Variants in ZNF229 observed in about 807,000 individuals in gnomAD.
ZNF229 encodes the protein zinc finger protein 229.
A neutral mutation model predicts 11.8 loss-of-function variants in ZNF229; 10 were observed. The observed-to-expected ratio is 0.85, with a 90% confidence interval of 0.52 to 1.44. The LOEUF (loss-of-function observed/expected upper bound fraction) is 1.44, where lower values mean the gene tolerates loss of function less well. Ranked by LOEUF, ZNF229 falls within the 40% of genes most tolerant of loss-of-function variation. ZNF229 has a pLI of 0.00. For missense variants in ZNF229, 1,045 were observed against 1,015.1 expected, an observed-to-expected ratio of 1.03 and a Z score of -0.40; for synonymous variants, 368 against 374.8, an observed-to-expected ratio of 0.98 and a Z score of 0.21.
Position 44,428,525 on chromosome 19 carries a change from G to A in ZNF229, c.2256C>T (p.Ser752=), listed in dbSNP as rs894578956. Residue 752 remains serine, a synonymous_variant, in exon 6 of 6, where the codon AGC becomes AGT. Transcript: ENST00000614049. ...CHVCGKGYSQ[S]SHLQGHQRVH... ...CCCTCTGATGACCTTGAAGATGTGAGCTCTGACTATAGCCCTTCCCACACA... is the reference window on the plus strand; with the variant it reads ...CCCTCTGATGACCTTGAAGATGTGAACTCTGACTATAGCCCTTCCCACACA... The A allele has an allele frequency of 1.2e-6, 2 of 1,613,610 alleles. No homozygotes were observed. The highest frequency in any genetic ancestry group is 2.7e-5 in the African/African-American group (2 of 74,696).
In ZNF229 at chr19:44,427,050, C is replaced by G. The variant is rs184700964; in HGVS notation, c.*1253G>C. The G allele has an allele frequency of 6.6e-6, 1 of 151,960 alleles. No individual in the cohort carries two copies. The highest frequency in any genetic ancestry group is 6.6e-5 in the Admixed American group (1 of 15,256). 9.4% of individuals were successfully genotyped at this position (151,960 alleles called of 1,614,324 possible). A position where few individuals can be genotyped will look rare whatever the true frequency, so the allele number is the denominator to read the frequency against. ...TCACAAGGGGACAGGAGAGAGACAG[C>G]GAGGAAGGGCTACACCTTAAAACCA... On this transcript the variant is annotated 3_prime_UTR_variant, in exon 6 of 6. Coordinates refer to ENST00000614049, the MANE Select transcript of ZNF229 (RefSeq NM_014518.4).
rs1971625238 is a variant in ZNF229 at position 44,428,508 on chromosome 19, T to C, written c.2273A>G (p.His758Arg). 1 of 1,613,994 alleles carries C rather than the reference T, an allele frequency of 6.2e-7. No homozygotes were observed. The highest frequency in any genetic ancestry group is 8.5e-7 in the Non-Finnish European group (1 of 1,179,992). ...GYSQSSHLQG[H>R]QRVHTGEKPY... is the part of the protein sequence containing the mutation. ...TTTCTCACCAGTGTGGACCCTCTGA[T>C]GACCTTGAAGATGTGAGCTCTGACT... is the stretch of plus-strand genomic sequence containing the variant. Residue 758 changes from histidine (H) to arginine (R), a missense_variant, in exon 6 of 6, where the codon CAT becomes CGT. Coordinates refer to ENST00000614049, the MANE Select transcript of ZNF229 (RefSeq NM_014518.4).
Position 44,442,994 on chromosome 19 carries a change from A to T in ZNF229, c.-147T>A. 1.1e-6 allele frequency: 1 copy of T among 919,202 alleles called. No homozygotes were observed. Among genetic ancestry groups the T allele is most frequent in the Non-Finnish European group, 1.7e-6 (1 of 594,942 alleles). The allele number at this position is 919,202 out of a possible 1,614,324, so 56.9% of individuals were successfully genotyped here. ...GTTCCTGTCTCCACCTTTACTGTCC[A>T]GAGCGCGACTGCTTCCCATGGTCAG... On this transcript the variant is annotated 5_prime_UTR_variant, in exon 3 of 6. Transcript: ENST00000614049.
chr19:44,445,881 T>C (rs1356424173), intron 2 of ZNF229, among the ~76,000 whole-genome samples: 1 of 152,204 alleles, frequency 6.6e-6, no homozygotes, highest in African/African-American at 2.4e-5. Context: ...TGATGTCATC[T>C]TCACAGCAGA....
chr19:44,429,811 G>C lies in ZNF229; in HGVS notation c.970C>G (p.Leu324Val), dbSNP rs1336174721. The stretch of plus-strand genomic sequence containing the variant: ...TGTCTGACGCCCCGACCACGCTCAA[G>C]ACTCTTAACAGATTTCTCTCCTGTG... ...VPTGEKSVKSLERGRGVRQNT... is the reference protein window; with the variant it reads ...VPTGEKSVKSVERGRGVRQNT... The change falls in exon 6 of 6, where the codon CTT becomes GTT. Residue 324 changes from leucine (L) to valine (V), a missense_variant. Physicochemically the swap from Leu to Val is conservative, Grantham distance 32. Transcript: ENST00000614049. 1 of 1,613,992 alleles carries C rather than the reference G, an allele frequency of 6.2e-7. No individual in the cohort carries two copies. Among genetic ancestry groups the C allele is most frequent in the Non-Finnish European group, 8.5e-7 (1 of 1,179,988 alleles).
intron 4 of ZNF229, among the ~76,000 whole-genome samples, chr19:44,438,480 T>C (rs1296744050): frequency 6.6e-6 from 1 of 152,194 alleles, no homozygotes; most frequent in Non-Finnish European, 1.5e-5. Context: ...TACAACGAAG[T>C]GTGTGACGCT....
In ZNF229 at chr19:44,428,850, A is replaced by C. The variant is rs375987034; in HGVS notation, c.1931T>G (p.Leu644Arg). 3 of 1,611,634 alleles carry C rather than the reference A, an allele frequency of 1.9e-6. No individual in the cohort carries two copies. Among genetic ancestry groups the C allele is most frequent in the Non-Finnish European group, 2.5e-6 (3 of 1,179,540 alleles). The change falls in exon 6 of 6, where the codon CTC becomes CGC. Residue 644 changes from leucine to arginine, a missense_variant. Coordinates refer to ENST00000614049, the MANE Select transcript of ZNF229 (RefSeq NM_014518.4). ...GKGFSYSSGL[L>R]IHQRVHTGEK... ...GCCTGTGTGGACTCTCTGGTGAATG[A>C]GAAGCCCTGAGCTGTAACTGAAGCC...
intron 5 of ZNF229, chr19:44,431,782 T>C: frequency 1.0e-6 from 1 of 988,788 alleles, no homozygotes; most frequent in Non-Finnish European, 1.2e-6. Context: ...GATGCATTTC[T>C]TGGAGTTTCT....
chr19:44,431,307 C>G (rs1218096085), intron 5 of ZNF229, among the ~76,000 whole-genome samples: 1 of 152,134 alleles, frequency 6.6e-6, no homozygotes, highest in Admixed American at 6.5e-5. Flanking sequence ...GTCATATTTA[C>G]CACAGTTCTG....
intron 4 of ZNF229, among the ~76,000 whole-genome samples, chr19:44,438,046 A>G (rs1440282733): frequency 6.6e-6 from 1 of 152,196 alleles, no homozygotes; most frequent in African/African-American, 2.4e-5. Context: ...TGACAAAATA[A>G]TCTGTACAAC....
At chr19:44,432,860 T>G (rs993146152) in intron 4 of ZNF229, among the ~76,000 whole-genome samples, 1 of 151,768 alleles carries the variant, frequency 6.6e-6, no homozygotes, top group Non-Finnish European at 1.5e-5. Context: ...ATTAAATAAA[T>G]AAATAAAAAT....
In ZNF229 at chr19:44,442,617, A is replaced by G. The variant is rs768933891; in HGVS notation, c.39T>C (p.Leu13=). 2.5e-6 allele frequency: 4 copies of G among 1,613,952 alleles called. No individual in the cohort carries two copies. The highest frequency in any genetic ancestry group is 3.4e-6 in the Non-Finnish European group (4 of 1,179,996). ...GGGAAATGGCTGAGGCTTGAGAATG[A>G]AGAGCTGTAGGAGGAGAAAGAGGCC... ...TLTSRHEKRA[L]HSQASAISQD... is the part of the protein sequence containing the mutation. The change falls in exon 4 of 6, where the codon CTT becomes CTC. Residue 13 remains leucine, a synonymous_variant. Coordinates refer to ENST00000614049, the MANE Select transcript of ZNF229 (RefSeq NM_014518.4).
At chr19:44,432,437 T>C (rs1281056551) in intron 4 of ZNF229, 71 bp from the exon 5 acceptor site, 7 of 1,572,532 alleles carry the variant, frequency 4.5e-6, no homozygotes, top group South Asian at 1.2e-5. Context: ...AGCAGGTTTA[T>C]AGAAATAAAA....
intron 5 of ZNF229, 35 bp from the exon 6 acceptor site, chr19:44,430,577 A>G: frequency 6.4e-7 from 1 of 1,566,480 alleles, no homozygotes; most frequent in African/African-American, 1.4e-5. Flanking sequence ...GATGAGAACT[A>G]GTAAAAGACT....
chr19:44,447,440 A>T (rs999514511), intron 2 of ZNF229, 73 bp downstream of exon 2: 6 of 152,210 alleles, frequency 3.9e-5, no homozygotes, highest in Non-Finnish European at 8.8e-5. Context: ...AACATTTGTG[A>T]TATCAATGGG....
chr19:44,433,840 C>CA (rs1971766845), intron 4 of ZNF229, among the ~76,000 whole-genome samples: 1 of 152,134 alleles, frequency 6.6e-6, no homozygotes, highest in South Asian at 2.1e-4. Context: ...AATCTTGACT[C>CA]ACTGCAACCT....
intron 4 of ZNF229, among the ~76,000 whole-genome samples, chr19:44,440,138 G>C (rs1971882823): frequency 6.6e-6 from 1 of 151,868 alleles, no homozygotes; most frequent in South Asian, 2.1e-4. Context: ...GAATTAATCA[G>C]AAATTTTTTA....
rs1276550939 is a variant in ZNF229, at chr19:44,430,206, A to T, written c.575T>A (p.Phe192Tyr). The T allele has an allele frequency of 6.2e-7, 1 of 1,614,084 alleles. No homozygotes were observed. The highest frequency in any genetic ancestry group is 1.1e-5 in the South Asian group (1 of 91,074). Residue 192 changes from phenylalanine to tyrosine, a missense_variant, in exon 6 of 6, where the codon TTT (phenylalanine) becomes TAT (tyrosine). By Grantham distance (22) the Phe-to-Tyr change is conservative. Coordinates refer to ENST00000614049, the MANE Select transcript of ZNF229 (RefSeq NM_014518.4). ...IPIQGSWAKA[F>Y]VNQLGDVQER... ...TTGAACATCCCCTAACTGGTTCACAAACGCTTTTGCCCAAGATCCTTGAAT... is the reference window on the plus strand; with the variant it reads ...TTGAACATCCCCTAACTGGTTCACATACGCTTTTGCCCAAGATCCTTGAAT...
At chr19:44,439,655 G>C (rs551587872) in intron 4 of ZNF229, among the ~76,000 whole-genome samples, 76 of 152,012 alleles carry the variant, frequency 5.0e-4, no homozygotes, top group Non-Finnish European at 9.7e-4. Context: ...TGTTGGCCAG[G>C]GTGGTCTTGA....
Sources: gnomAD v4.1 joint callset for allele counts (sites outside exome capture counted in the v4.1 genomes callset) on GRCh38, gnomAD v4.1.1 for gene constraint, MANE v1.5 for transcripts, NCBI Gene and HGNC (gene_info 2026-07-23, HGNC 2026-07-21) for gene names.